Variants in FAP observed in about 807,000 individuals in gnomAD.
FAP encodes fibroblast activation protein alpha.
In FAP, 110 loss-of-function variants were observed where a neutral mutation model predicts 126.5. That is an observed-to-expected ratio of 0.87 (90% CI 0.74 to 1.02). The LOEUF is 1.02. Among genes scored for constraint, FAP ranks in the 50% least tolerant of loss-of-function variants. FAP has a pLI of 0.00. For synonymous variants in FAP, 334 were observed against 297.3 expected, an observed-to-expected ratio of 1.12 and a Z score of -1.27; for missense variants, 919 against 909.2, an observed-to-expected ratio of 1.01 and a Z score of -0.14.
chr2:162,183,467 T>A lies in FAP; in HGVS notation c.1816A>T (p.Lys606Ter), dbSNP rs766855340. 5.0e-6 allele frequency: 8 copies of A among 1,605,160 alleles called. No homozygotes were observed. The highest frequency in any genetic ancestry group is 6.8e-6 in the Non-Finnish European group (8 of 1,173,074). ...EVEDQITAVR[K>*]FIEMGFIDEK... ...TCAATGAAACCCATTTCTATGAATTTTCTAAAGTAAAAGAAACAAATTTTT... is the reference window on the plus strand; with the variant it reads ...TCAATGAAACCCATTTCTATGAATTATCTAAAGTAAAAGAAACAAATTTTT... Residue 606 changes from lysine to a stop codon, truncating the protein, a stop_gained and splice_region_variant, in exon 21 of 26, where the codon AAA becomes TAA. Coordinates refer to ENST00000188790, the MANE Select transcript of FAP (RefSeq NM_004460.5). LOFTEE classifies it high-confidence loss of function.
chr2:162,208,431 T>C (rs902263389), intron 12 of FAP, among the ~76,000 whole-genome samples: 1 of 152,214 alleles, frequency 6.6e-6, no homozygotes, highest in Non-Finnish European at 1.5e-5. Flanking sequence ...TTTTGAACAC[T>C]GCAGCATTGT....
At chr2:162,172,608 A>T in intron 25 of FAP, 1 of 525,220 alleles carries the variant, frequency 1.9e-6, no homozygotes. Flanking sequence ...CTCAACTGGG[A>T]ACACGAGAGG....
chr2:162,217,177 G>T (rs191836109), intron 9 of FAP, among the ~76,000 whole-genome samples: 4 of 152,234 alleles, frequency 2.6e-5, no homozygotes, highest in Admixed American at 2.0e-4. Context: ...ACATCCAACC[G>T]TCTTTGTCAC....
intron 12 of FAP, among the ~76,000 whole-genome samples, chr2:162,204,393 G>GA (rs1421116263): frequency 5.9e-5 from 9 of 152,180 alleles, no homozygotes; most frequent in Admixed American, 5.9e-4. Context: ...CACAGAATGT[G>GA]ACCCTTTTGG....
chr2:162,186,634 T>G (rs1687876131), intron 20 of FAP, among the ~76,000 whole-genome samples: 1 of 152,156 alleles, frequency 6.6e-6, no homozygotes, highest in Non-Finnish European at 1.5e-5. Context: ...AAACAACTTT[T>G]TAGCTCTTTC....
rs768452459 is a variant in FAP, at chr2:162,174,878, C to T, written c.1958G>A (p.Trp653Ter). Residue 653 changes from tryptophan to a stop codon, truncating the protein, a stop_gained, in exon 22 of 26, where the codon TGG becomes TAG. Coordinates refer to ENST00000188790, the MANE Select transcript of FAP (RefSeq NM_004460.5). LOFTEE classifies it high-confidence loss of function. ...CGIAVAPVSS[W>*]EYYASVYTER... ...GAATGTTTCCATACCGTAATATTCC[C>T]AGCTGGAGACTGGAGCCACTGCTAT... 6.2e-7 allele frequency: 1 copy of T among 1,610,024 alleles called. No homozygotes were observed. The highest frequency in any genetic ancestry group is 1.1e-5 in the South Asian group (1 of 90,984).
intron 2 of FAP, among the ~76,000 whole-genome samples, chr2:162,237,028 A>G (rs759403077): frequency 6.6e-6 from 1 of 152,150 alleles, no homozygotes; most frequent in Non-Finnish European, 1.5e-5. Context: ...TACTGTTTTT[A>G]TTATTAATGG....
intron 12 of FAP, among the ~76,000 whole-genome samples, chr2:162,205,808 G>A (rs1050040854): frequency 3.9e-5 from 6 of 152,060 alleles, no homozygotes; most frequent in Non-Finnish European, 7.4e-5. Context: ...CACTGTACCC[G>A]GCCTATGTCT....
intron 20 of FAP, among the ~76,000 whole-genome samples, chr2:162,187,300 A>G (rs901861107): frequency 1.3e-5 from 2 of 152,108 alleles, no homozygotes; most frequent in Non-Finnish European, 2.9e-5. Flanking sequence ...AGAAATTTCT[A>G]AATTTCTCTT....
chr2:162,183,926 C>T (rs1241255973), intron 20 of FAP, among the ~76,000 whole-genome samples: 1 of 152,296 alleles, frequency 6.6e-6, no homozygotes, highest in East Asian at 1.9e-4. Context: ...TTTTCAGAGA[C>T]ATTTGAGAGA....
chr2:162,194,414 T>C (rs1224684704), intron 17 of FAP, among the ~76,000 whole-genome samples: 1 of 151,996 alleles, frequency 6.6e-6, no homozygotes, highest in African/African-American at 2.4e-5. Flanking sequence ...CCAATTCTAA[T>C]CTGTGCTTTT....
intron 2 of FAP, among the ~76,000 whole-genome samples, chr2:162,230,779 G>A (rs1689867135): frequency 6.6e-6 from 1 of 152,028 alleles, no homozygotes; most frequent in Non-Finnish European, 1.5e-5. Flanking sequence ...TGGGGTCCTG[G>A]TAGTTTTAGT....
chr2:162,240,845 T>C (rs1690318710), intron 2 of FAP, among the ~76,000 whole-genome samples: 1 of 152,170 alleles, frequency 6.6e-6, no homozygotes, highest in African/African-American at 2.4e-5. Flanking sequence ...TCTCAGATCC[T>C]ATTCTCATAG....
chr2:162,173,168 G>T lies in FAP; in HGVS notation c.2088C>A (p.Leu696=), dbSNP rs2106210442. 1 of 1,612,950 alleles carries T rather than the reference G, an allele frequency of 6.2e-7. No individual in the cohort carries two copies. Among genetic ancestry groups the T allele is most frequent in the East Asian group, 2.2e-5 (1 of 44,858 alleles). Residue 696 remains leucine, a synonymous_variant, in exon 24 of 26, where the codon CTC becomes CTA. Coordinates refer to ENST00000188790, the MANE Select transcript of FAP (RefSeq NM_004460.5). ...CCTCACCATCTGCTGTTCCGTGGAT[G>T]AGAAGATAGTCTACATTTCTGAAAT... ...AEYFRNVDYL[L]IHGTADDNVH...
rs766877574 is a variant in FAP, at chr2:162,219,972, G to A, written c.414-47C>T. 8 of 1,293,230 alleles carry A rather than the reference G, an allele frequency of 6.2e-6. No individual in the cohort carries two copies. In the South Asian group the frequency reaches 7.4e-5, roughly 12 times the overall value. 80.1% of individuals were successfully genotyped at this position (1,293,230 alleles called of 1,614,324 possible). On this transcript the variant is annotated intron_variant, in intron 6 of 25. Transcript: ENST00000188790. ...AAAACAACAAACCTTGCTGTTTAAT[G>A]CAAAAAAATAATAATCTGTATGAAC... is the stretch of plus-strand genomic sequence containing the variant.
At position 162,226,590 on chromosome 2, in the gene FAP, T is replaced by A. The variant is rs1689660848; in HGVS notation, c.123A>T (p.Ala41=). The A allele has an allele frequency of 6.3e-7, 1 of 1,594,718 alleles. No individual in the cohort carries two copies. ...CATTTAAAATATCCTTCAGTGTGAG[T>A]GCTCTCATTGTATTTTCTTCAGAGT... ...VHNSEENTMR[A]LTLKDILNGT... The change falls in exon 3 of 26, where the codon GCA becomes GCT. Residue 41 remains alanine, a synonymous_variant. Transcript: ENST00000188790.
At chr2:162,203,860 A>G (rs1441470840) in intron 12 of FAP, among the ~76,000 whole-genome samples, 1 of 152,224 alleles carries the variant, frequency 6.6e-6, no homozygotes, top group Admixed American at 6.5e-5. Context: ...CAACATTCTA[A>G]ATGATAGATA....
At chr2:162,209,080 T>C (rs1473350583) in intron 12 of FAP, among the ~76,000 whole-genome samples, 4 of 152,138 alleles carry the variant, frequency 2.6e-5, no homozygotes, top group African/African-American at 9.6e-5. Flanking sequence ...CCCAGCCAAT[T>C]TGAGTTTAAA....
intron 5 of FAP, among the ~76,000 whole-genome samples, chr2:162,223,889 C>G (rs765385666): frequency 6.6e-6 from 1 of 152,074 alleles, no homozygotes; most frequent in Non-Finnish European, 1.5e-5. Flanking sequence ...AGCAGTGATT[C>G]AACCCTCACT....
Sources: allele counts gnomAD v4.1 joint callset (sites outside exome capture counted in the v4.1 genomes callset), GRCh38; gene constraint gnomAD v4.1.1; transcripts MANE v1.5; gene names NCBI Gene and HGNC (gene_info 2026-07-23, HGNC 2026-07-21).